DSCAM: variants seen among roughly 807,000 people sequenced by gnomAD.
The protein encoded by DSCAM is cell adhesion molecule DSCAM.
A neutral mutation model predicts 217.7 loss-of-function variants in DSCAM; 47 were observed. That is an observed-to-expected ratio of 0.22 (90% CI 0.17 to 0.28). The LOEUF (loss-of-function observed/expected upper bound fraction) is 0.28, where lower values mean the gene tolerates loss of function less well. Ranked by LOEUF, DSCAM falls within the 10% of genes least tolerant of loss-of-function variation. DSCAM has a pLI of 1.00. For missense variants in DSCAM, 2,080 were observed against 2,618.3 expected (o/e 0.79, Z 4.49); for synonymous variants, 1,056 against 1,015.3 (o/e 1.04, Z -0.76).
intron 5 of DSCAM, among the ~76,000 whole-genome samples, chr21:40,349,832 T>C (rs2074609355): frequency 1.3e-5 from 2 of 152,060 alleles, no homozygotes; most frequent in Non-Finnish European, 2.9e-5. Flanking sequence ...TTACAAATTA[T>C]GGAAAACGAA....
intron 9 of DSCAM, among the ~76,000 whole-genome samples, chr21:40,296,791 A>G (rs2123449040): frequency 7.0e-6 from 1 of 142,642 alleles, no homozygotes; most frequent in East Asian, 2.2e-4. Context: ...AGATAATGCC[A>G]TTGCACTCCA....
chr21:40,468,973 G>A (rs1222760798), intron 3 of DSCAM, among the ~76,000 whole-genome samples: 1 of 152,078 alleles, frequency 6.6e-6, no homozygotes, highest in Non-Finnish European at 1.5e-5. Flanking sequence ...TTGAGGGGCA[G>A]GAGTGTTTGC....
chr21:40,511,232 C>T (rs761146822), intron 3 of DSCAM, among the ~76,000 whole-genome samples: 56 of 152,262 alleles, frequency 3.7e-4, no homozygotes, highest in Admixed American at 8.5e-4. Context: ...AGATATGATA[C>T]TATCCTTATT....
intron 3 of DSCAM, among the ~76,000 whole-genome samples, chr21:40,525,343 T>C (rs1449564995): frequency 6.6e-6 from 1 of 152,202 alleles, no homozygotes; most frequent in African/African-American, 2.4e-5. Flanking sequence ...CTCTTTTCTG[T>C]CTAGCAGTGG....
chr21:40,271,636 G>C (rs2073618371), intron 11 of DSCAM, among the ~76,000 whole-genome samples: 1 of 152,286 alleles, frequency 6.6e-6, no homozygotes, highest in South Asian at 2.1e-4. Flanking sequence ...ACTGGGTCAC[G>C]CAAATCTGCC....
At chr21:40,668,231 T>C (rs1422972902) in intron 3 of DSCAM, among the ~76,000 whole-genome samples, 2 of 150,196 alleles carry the variant, frequency 1.3e-5, no homozygotes, top group Admixed American at 6.6e-5. Flanking sequence ...TGCTGTCTTA[T>C]GACAATTTCC....
intron 20 of DSCAM, among the ~76,000 whole-genome samples, chr21:40,116,150 C>G (rs2089967853): frequency 6.6e-6 from 1 of 152,068 alleles, no homozygotes; most frequent in Admixed American, 6.6e-5. Context: ...ACAACAACAA[C>G]ACACACCTTT....
At chr21:40,358,801 C>T (rs1375725740) in intron 4 of DSCAM, among the ~76,000 whole-genome samples, 4 of 108,960 alleles carry the variant, frequency 3.7e-5, no homozygotes, top group African/African-American at 4.6e-5. Context: ...GACTCCATCT[C>T]GAAAAAAAAA....
intron 3 of DSCAM, among the ~76,000 whole-genome samples, chr21:40,390,757 A>AC (rs1161033980): frequency 1.3e-5 from 2 of 152,112 alleles, no homozygotes; most frequent in African/African-American, 4.8e-5. Context: ...CCCTCTTCTT[A>AC]CAAAAACACC....
intron 30 of DSCAM, among the ~76,000 whole-genome samples, chr21:40,051,752 C>T (rs559409002): frequency 1.6e-4 from 24 of 151,900 alleles, no homozygotes; most frequent in Non-Finnish European, 3.1e-4. Context: ...TTATAGTAAC[C>T]AATACTAACA....
intron 3 of DSCAM, among the ~76,000 whole-genome samples, chr21:40,485,237 C>CTT (rs59901955): frequency 1.0e-3 from 108 of 108,160 alleles, no homozygotes; most frequent in African/African-American, 3.1e-3. Flanking sequence ...GACTTTCTTT[C>CTT]TTTTTTTTTT....
chr21:40,019,261 T>C (rs1219637665), intron 32 of DSCAM, among the ~76,000 whole-genome samples: 2 of 152,314 alleles, frequency 1.3e-5, no homozygotes, highest in East Asian at 3.9e-4. Flanking sequence ...CATGGGGACA[T>C]TGGCACAGCA....
chr21:40,121,253 A>G (rs1378747609), intron 20 of DSCAM, among the ~76,000 whole-genome samples: 3 of 151,998 alleles, frequency 2.0e-5, no homozygotes, highest in Non-Finnish European at 4.4e-5. Context: ...ACAAAAAAAC[A>G]CCCTCTTTCC....
intron 3 of DSCAM, among the ~76,000 whole-genome samples, chr21:40,554,135 T>C (rs1202528027): frequency 6.6e-6 from 1 of 151,730 alleles, no homozygotes. Flanking sequence ...GTGTCCTTAG[T>C]AGCCAGTAGC....
chr21:40,676,229 T>C (rs1007493014), intron 3 of DSCAM, among the ~76,000 whole-genome samples: 2 of 152,176 alleles, frequency 1.3e-5, no homozygotes, highest in African/African-American at 2.4e-5. Context: ...GAAACATTCA[T>C]CTTATGTCAA....
chr21:40,828,359 G>A (rs2123628758), intron 1 of DSCAM, among the ~76,000 whole-genome samples: 1 of 152,326 alleles, frequency 6.6e-6, no homozygotes, highest in East Asian at 1.9e-4. Context: ...GGCTTCCATG[G>A]TCACAGTAGC....
At chr21:40,104,364 T>C (rs2089792167) in intron 20 of DSCAM, among the ~76,000 whole-genome samples, 1 of 152,164 alleles carries the variant, frequency 6.6e-6, no homozygotes, top group Non-Finnish European at 1.5e-5. Flanking sequence ...CTCTTTCCAC[T>C]AGTGTTAATT....
rs1226938008 is a variant in DSCAM at position 40,703,948 on chromosome 21, T to G, written c.361+4506A>C. Reference sequence around the variant, plus strand: ...GAAAAGTTCACAGCAGGTTCCCATATTCTCCCTCTTGCCACATCCTTTAAT... The same window carrying G: ...GAAAAGTTCACAGCAGGTTCCCATAGTCTCCCTCTTGCCACATCCTTTAAT... On this transcript the variant is annotated intron_variant, in intron 2 of 32. Transcript: ENST00000400454. 2.0e-5 allele frequency among the ~76,000 whole-genome samples: 3 copies of G among 152,170 alleles called. No homozygotes were observed. In the South Asian group the frequency reaches 6.2e-4, roughly 31 times the overall value.
chr21:40,599,151 T>G (rs1477640092), intron 3 of DSCAM, among the ~76,000 whole-genome samples: 1 of 152,204 alleles, frequency 6.6e-6, no homozygotes, highest in Non-Finnish European at 1.5e-5. Context: ...CTTTGGCTTG[T>G]CTTTTAACGT....
Sources: allele counts gnomAD v4.1 joint callset (sites outside exome capture counted in the v4.1 genomes callset), GRCh38; gene constraint gnomAD v4.1.1; transcripts MANE v1.5; gene names NCBI Gene and HGNC (gene_info 2026-07-23, HGNC 2026-07-21).